Variants in SMURF2 observed in about 807,000 individuals in gnomAD.
The protein encoded by SMURF2 is SMAD specific E3 ubiquitin protein ligase 2.
Under a neutral mutation model 109.6 loss-of-function variants are expected in SMURF2, and 48 were observed. The observed-to-expected ratio is 0.44, with a 90% CI of 0.35 to 0.56. The LOEUF (loss-of-function observed/expected upper bound fraction) is 0.56. Ranked by LOEUF, SMURF2 falls within the 20% of genes least tolerant of loss-of-function variation. The pLI is 0.01. For missense variants in SMURF2, 575 were observed against 909.0 expected (o/e 0.63, Z 4.72); for synonymous variants, 288 against 317.1 (o/e 0.91, Z 0.97).
Position 64,566,996 on chromosome 17 carries a change from G to A in SMURF2, c.1017-4030C>T, listed in dbSNP as rs888801668. Among the ~76,000 whole-genome samples, 13 of 150,842 alleles carry A rather than the reference G, an allele frequency of 8.6e-5. No individual in the cohort carries two copies. In the East Asian group the frequency reaches 2.6e-3, roughly 30 times the overall value. On this transcript the variant is annotated intron_variant, in intron 10 of 18. Coordinates refer to ENST00000262435, the MANE Select transcript of SMURF2 (RefSeq NM_022739.4). Reference sequence around the variant, plus strand: ...AGGAATTCTCATGCCTCAGCCTCCCGAGTAGCTGGGATTACAGGCATGCAC... The same window carrying A: ...AGGAATTCTCATGCCTCAGCCTCCCAAGTAGCTGGGATTACAGGCATGCAC...
chr17:64,659,168 T>G (rs1287032032), intron 1 of SMURF2, among the ~76,000 whole-genome samples: 7 of 152,196 alleles, frequency 4.6e-5, no homozygotes, highest in Non-Finnish European at 7.3e-5. Flanking sequence ...TGAGTGTGTG[T>G]GTGTGAGTGT....
chr17:64,589,783 A>T (rs1358804851), intron 5 of SMURF2, among the ~76,000 whole-genome samples: 3 of 152,024 alleles, frequency 2.0e-5, no homozygotes, highest in Non-Finnish European at 4.4e-5. Flanking sequence ...GAGTTGTAGA[A>T]TTAGTTCATT....
intron 10 of SMURF2, among the ~76,000 whole-genome samples, chr17:64,569,683 C>T (rs1489782787): frequency 2.0e-5 from 3 of 152,154 alleles, no homozygotes; most frequent in Non-Finnish European, 4.4e-5. Context: ...TTTTGAAGTC[C>T]AACAACAGCA....
At chr17:64,578,759 A>G (rs1969535243) in intron 8 of SMURF2, among the ~76,000 whole-genome samples, 183 bp from the exon 9 acceptor site, 1 of 152,276 alleles carries the variant, frequency 6.6e-6, no homozygotes, top group Non-Finnish European at 1.5e-5. Flanking sequence ...TTTACAAATG[A>G]TGAGGGCCAC....
intron 1 of SMURF2, among the ~76,000 whole-genome samples, chr17:64,643,879 T>C (rs1383667687): frequency 6.6e-6 from 1 of 152,112 alleles, no homozygotes; most frequent in Non-Finnish European, 1.5e-5. Flanking sequence ...CAGGCTGGAG[T>C]GCAGTGGTGT....
chr17:64,592,746 AC>A (rs1457718165), intron 4 of SMURF2, among the ~76,000 whole-genome samples: 2 of 152,212 alleles, frequency 1.3e-5, no homozygotes, highest in African/African-American at 4.8e-5. Flanking sequence ...CAATGGAAAG[AC>A]CCATCCAAAA....
intron 2 of SMURF2, 94 bp downstream of exon 2, chr17:64,606,508 T>C: frequency 2.2e-6 from 2 of 899,836 alleles, no homozygotes; most frequent in Non-Finnish European, 3.4e-6. Context: ...TGACAATACT[T>C]CTGAATAGAG....
At chr17:64,621,903 A>AAT (rs370703986) in intron 1 of SMURF2, among the ~76,000 whole-genome samples, 2 of 141,834 alleles carry the variant, frequency 1.4e-5, no homozygotes, top group East Asian at 2.0e-4. Context: ...ATAAATAAAT[A>AAT]AATAATAATA....
intron 1 of SMURF2, among the ~76,000 whole-genome samples, chr17:64,641,600 CCT>C (rs1183236847): frequency 4.6e-5 from 7 of 152,182 alleles, no homozygotes; most frequent in African/African-American, 1.7e-4. Flanking sequence ...CTGCTGGTGC[CCT>C]GAGTCAGTCA....
intron 1 of SMURF2, among the ~76,000 whole-genome samples, chr17:64,640,423 G>A (rs371811919): frequency 2.0e-5 from 3 of 152,148 alleles, no homozygotes; most frequent in South Asian, 2.1e-4. Flanking sequence ...GAAAATCCAC[G>A]TGACTAAAGC....
At chr17:64,594,581 A>C (rs1305437424) in intron 3 of SMURF2, among the ~76,000 whole-genome samples, 1 of 152,202 alleles carries the variant, frequency 6.6e-6, no homozygotes, top group African/African-American at 2.4e-5. Flanking sequence ...TGCATGTACC[A>C]ATTTTCGAAT....
chr17:64,569,841 C>T lies in SMURF2; in HGVS notation c.1016+1957G>A, dbSNP rs570488816. Among the ~76,000 whole-genome samples the T allele has an allele frequency of 3.7e-4, 57 of 152,298 alleles. 1 individual carries two copies. In the South Asian group the frequency reaches 9.9e-3, roughly 27 times the overall value. On this transcript the variant is annotated intron_variant, in intron 10 of 18. Transcript: ENST00000262435. ...CATAGCAATTCCACAACCAGGCAAGCGCCCTAGAGCAGTGTTACTCAAAGG... is the reference window on the plus strand; with the variant it reads ...CATAGCAATTCCACAACCAGGCAAGTGCCCTAGAGCAGTGTTACTCAAAGG...
intron 1 of SMURF2, among the ~76,000 whole-genome samples, chr17:64,618,267 TA>T (rs1210480400): frequency 4.6e-5 from 7 of 152,080 alleles, no homozygotes; most frequent in Admixed American, 4.6e-4. Context: ...ACTCCGCCTC[TA>T]AAATAAATAA....
rs544398640 is a variant in SMURF2 at position 64,542,664 on chromosome 17, A to G, written c.*3184T>C. The G allele has an allele frequency of 1.3e-5, 2 of 152,274 alleles. No homozygotes were observed. The highest frequency in any genetic ancestry group is 4.1e-4 in the South Asian group (2 of 4,828). The allele number at this position is 152,274 out of a possible 1,614,324, so 9.4% of individuals were successfully genotyped here. A position where few individuals can be genotyped will look rare whatever the true frequency, so the allele number is the denominator to read the frequency against. On this transcript the variant is annotated 3_prime_UTR_variant, in exon 19 of 19. Transcript: ENST00000262435. The stretch of plus-strand genomic sequence containing the variant: ...AAGGAGCCACTCTCCCAAACTAAGG[A>G]TGGTTGGAACAGCCTCTAACTCCCA...
At chr17:64,584,361 C>CTTTTTTT (rs372682588) in intron 6 of SMURF2, among the ~76,000 whole-genome samples, 2 of 112,708 alleles carry the variant, frequency 1.8e-5, no homozygotes, top group African/African-American at 7.5e-5. Flanking sequence ...CTTTTTTTTT[C>CTTTTTTT]TTTTTTTTTT....
rs554493756 is a variant in SMURF2 at position 64,555,073 on chromosome 17, A to C, written c.1611-80T>G. ...ATAGATGTATTAATTGGTGAGATAA[A>C]ACTAAGATCATTTTATAATATAACA... On this transcript the variant is annotated intron_variant, in intron 14 of 18. Transcript: ENST00000262435. The C allele has an allele frequency of 7.5e-5, 98 of 1,308,518 alleles. 1 individual carries two copies. In the African/African-American group the frequency reaches 1.3e-3, roughly 18 times the overall value. 81.1% of individuals were successfully genotyped at this position (1,308,518 alleles called of 1,614,324 possible).
intron 16 of SMURF2, among the ~76,000 whole-genome samples, chr17:64,551,382 C>T (rs1219130224): frequency 2.0e-5 from 3 of 151,570 alleles, no homozygotes; most frequent in East Asian, 1.9e-4. Flanking sequence ...GAGAGAGAGA[C>T]AGATTGTTCA....
At chr17:64,550,534 C>T (rs1195384979) in intron 16 of SMURF2, among the ~76,000 whole-genome samples, 1 of 152,152 alleles carries the variant, frequency 6.6e-6, no homozygotes, top group Non-Finnish European at 1.5e-5. Context: ...AATCCCAGCA[C>T]TGTGGAAGGC....
chr17:64,626,957 T>C (rs148302648), intron 1 of SMURF2, among the ~76,000 whole-genome samples: 2 of 149,686 alleles, frequency 1.3e-5, no homozygotes, highest in African/African-American at 4.9e-5. Flanking sequence ...AACAAAAACC[T>C]CTAGATTAAA....
Sources: gnomAD v4.1 joint callset for allele counts (sites outside exome capture counted in the v4.1 genomes callset) on GRCh38, gnomAD v4.1.1 for gene constraint, MANE v1.5 for transcripts, NCBI Gene and HGNC (gene_info 2026-07-23, HGNC 2026-07-21) for gene names.